The following EPHA6 variants were observed in gnomAD, a reference collection of about 807,000 sequenced individuals.
EPHA6 encodes ephrin type-A receptor 6.
In EPHA6, 50 loss-of-function variants were observed where a neutral mutation model predicts 112.0. That is an observed-to-expected ratio of 0.45 (90% CI 0.36 to 0.56). The LOEUF (loss-of-function observed/expected upper bound fraction) is 0.56. EPHA6 is among the 20% of genes least tolerant of loss of function. The probability of loss-of-function intolerance (pLI) is 0.00; values close to 1 mark genes in which losing one functional copy is unlikely to be tolerated. For missense variants in EPHA6, 1,280 were observed against 1,417.4 expected (o/e 0.90, Z 1.56); for synonymous variants, 529 against 490.7 (o/e 1.08, Z -1.03).
chr3:97,012,290 C>G (rs2044113935), intron 3 of EPHA6, among the ~76,000 whole-genome samples: 1 of 150,616 alleles, frequency 6.6e-6, no homozygotes, highest in African/African-American at 2.4e-5. Flanking sequence ...TAAGTTTTCC[C>G]TTTTCTTTGC....
intron 16 of EPHA6, among the ~76,000 whole-genome samples, chr3:97,736,573 G>A (rs1367176663): frequency 1.3e-5 from 2 of 151,420 alleles, no homozygotes; most frequent in Non-Finnish European, 2.9e-5. Flanking sequence ...TGGCAAGCCA[G>A]ACAGGGGCAA....
chr3:97,661,003 C>A (rs956266103), intron 14 of EPHA6, among the ~76,000 whole-genome samples: 1 of 152,066 alleles, frequency 6.6e-6, no homozygotes, highest in South Asian at 2.1e-4. Flanking sequence ...TCAAAGTACA[C>A]TTCAGTTACA....
At chr3:96,846,645 TTAAC>T (rs1418174417) in intron 1 of EPHA6, among the ~76,000 whole-genome samples, 4 of 152,068 alleles carry the variant, frequency 2.6e-5, no homozygotes, top group Non-Finnish European at 2.9e-5. Context: ...GAAATTCCAA[TTAAC>T]TAATCCATCT....
chr3:96,900,385 A>T (rs2038536333), intron 2 of EPHA6, among the ~76,000 whole-genome samples: 1 of 152,198 alleles, frequency 6.6e-6, no homozygotes, highest in South Asian at 2.1e-4. Flanking sequence ...TGTAAAAGCT[A>T]CTGTCTTTAA....
At chr3:97,074,055 T>C (rs1559710420) in intron 3 of EPHA6, among the ~76,000 whole-genome samples, 1 of 149,460 alleles carries the variant, frequency 6.7e-6, no homozygotes. Context: ...AATTGAAGCA[T>C]ACTGTAAATG....
rs540453389 is a variant in EPHA6, at chr3:97,543,699, T to C, written c.2386+11156T>C. 4.6e-5 allele frequency among the ~76,000 whole-genome samples: 7 copies of C among 152,200 alleles called. No homozygotes were observed. The South Asian group carries it at 1.2e-3, about 27-fold the overall frequency. The stretch of plus-strand genomic sequence containing the variant: ...ATTACCTTGGGCAGTATGGCCATTT[T>C]CACGATATTGATTCTTCCTACCCAT... On this transcript the variant is annotated intron_variant, in intron 11 of 17. Transcript: ENST00000389672.
intron 10 of EPHA6, among the ~76,000 whole-genome samples, chr3:97,485,892 G>A (rs2091687831): frequency 6.6e-6 from 1 of 152,190 alleles, no homozygotes; most frequent in Non-Finnish European, 1.5e-5. Context: ...TACAGGAGAA[G>A]CATTTTCTGT....
chr3:96,976,068 C>T (rs1301854945), intron 2 of EPHA6, among the ~76,000 whole-genome samples: 2 of 152,044 alleles, frequency 1.3e-5, no homozygotes, highest in Non-Finnish European at 2.9e-5. Flanking sequence ...TGATAATATA[C>T]TTTATCCTGT....
intron 11 of EPHA6, among the ~76,000 whole-genome samples, chr3:97,533,913 A>G (rs2092725490): frequency 6.6e-6 from 1 of 152,120 alleles, no homozygotes; most frequent in South Asian, 2.1e-4. Context: ...TTAGATAGCT[A>G]TAGCTGTGGT....
intron 1 of EPHA6, 132 bp downstream of exon 1, chr3:96,815,140 G>A: frequency 1.2e-6 from 1 of 869,334 alleles, no homozygotes; most frequent in Non-Finnish European, 1.7e-6. Flanking sequence ...CGAGGGGATC[G>A]AGGATGTCCC....
At chr3:97,519,307 G>C (rs187314905) in intron 10 of EPHA6, among the ~76,000 whole-genome samples, 2 of 152,272 alleles carry the variant, frequency 1.3e-5, no homozygotes, top group African/African-American at 4.8e-5. Context: ...GTCAGCTGTA[G>C]ATATGTGTAT....
chr3:97,340,359 G>A (rs1162722957), intron 5 of EPHA6, among the ~76,000 whole-genome samples: 1 of 152,306 alleles, frequency 6.6e-6, no homozygotes, highest in East Asian at 1.9e-4. Flanking sequence ...GACAGGGTGA[G>A]TGAGGAGATG....
intron 2 of EPHA6, among the ~76,000 whole-genome samples, chr3:96,901,374 A>C (rs2107573397): frequency 6.6e-6 from 1 of 152,258 alleles, no homozygotes; most frequent in South Asian, 2.1e-4. Flanking sequence ...ACAATCAAAG[A>C]AATATATTTT....
At chr3:97,298,284 T>C (rs897008453) in intron 5 of EPHA6, among the ~76,000 whole-genome samples, 4 of 152,216 alleles carry the variant, frequency 2.6e-5, no homozygotes, top group African/African-American at 9.6e-5. Flanking sequence ...AGCTTTCTGG[T>C]TAATTTCCAT....
chr3:97,491,914 T>C (rs1336762558), intron 10 of EPHA6, among the ~76,000 whole-genome samples: 1 of 151,972 alleles, frequency 6.6e-6, no homozygotes, highest in Non-Finnish European at 1.5e-5. Context: ...CACATACAGT[T>C]GATCAAAGCA....
In EPHA6 at chr3:97,370,687, C is replaced by T. The variant is rs566776175; in HGVS notation, c.1607-34463C>T. On this transcript the variant is annotated intron_variant, in intron 5 of 17. Coordinates refer to ENST00000389672, the MANE Select transcript of EPHA6 (RefSeq NM_001080448.3). ...TTTTATTGGCTTTAACATGACATGCCCAATTTCATACAGGATGACAAATGA... is the reference window on the plus strand; with the variant it reads ...TTTTATTGGCTTTAACATGACATGCTCAATTTCATACAGGATGACAAATGA... Among the ~76,000 whole-genome samples the T allele has an allele frequency of 2.6e-5, 4 of 151,934 alleles. No homozygotes were observed. In the South Asian group the frequency reaches 8.3e-4, roughly 32 times the overall value.
intron 3 of EPHA6, among the ~76,000 whole-genome samples, chr3:97,089,610 A>G (rs2047002504): frequency 6.6e-6 from 1 of 152,172 alleles, no homozygotes; most frequent in South Asian, 2.1e-4. Flanking sequence ...TACTCAAACA[A>G]ATAGAAATCA....
At chr3:97,500,283 ATT>A (rs970147465) in intron 10 of EPHA6, among the ~76,000 whole-genome samples, 1 of 150,592 alleles carries the variant, frequency 6.6e-6, no homozygotes, top group African/African-American at 2.4e-5. Context: ...GGATAATTTT[ATT>A]TTTTTTTTAA....
intron 14 of EPHA6, among the ~76,000 whole-genome samples, chr3:97,641,407 G>C (rs567598533): frequency 1.3e-5 from 2 of 152,324 alleles, no homozygotes; most frequent in African/African-American, 4.8e-5. Context: ...GAGGAAGAAT[G>C]GTCATTTATA....
Sources: gnomAD v4.1 joint callset for allele counts (sites outside exome capture counted in the v4.1 genomes callset) on GRCh38, gnomAD v4.1.1 for gene constraint, MANE v1.5 for transcripts, NCBI Gene and HGNC (gene_info 2026-07-23, HGNC 2026-07-21) for gene names.